Variants in SPMIP1 observed in about 807,000 individuals in gnomAD.
The protein encoded by SPMIP1 is sperm microtubule inner protein 1, also known as protein SPMIP1.
At chr7:128,870,518 G>A in the SPMIP1 span, 5 of 129,068 alleles carry the variant, frequency 3.9e-5, no homozygotes, top group Non-Finnish European at 6.2e-5. Flanking sequence ...GATCCTGAGG[G>A]TCCTCCTCTC....
At chr7:128,866,848 G>T in the SPMIP1 span, 2 of 1,521,962 alleles carry the variant, frequency 1.3e-6, no homozygotes, top group Non-Finnish European at 1.8e-6. Flanking sequence ...CAACCTCTTG[G>T]AAATCACCTC....
the SPMIP1 span, chr7:128,871,760 G>A: frequency 6.6e-6 from 1 of 152,216 alleles, no homozygotes; most frequent in Non-Finnish European, 1.5e-5. Flanking sequence ...CTTTCAAAGA[G>A]TTTTTTAAAC....
the SPMIP1 span, chr7:128,866,562 C>G: frequency 6.5e-7 from 1 of 1,535,882 alleles, no homozygotes; most frequent in Non-Finnish European, 8.7e-7. Flanking sequence ...GCCTGCCCCT[C>G]AAACTGCCCA....
the SPMIP1 span, chr7:128,871,556 G>A: frequency 9.2e-5 from 14 of 152,344 alleles, no homozygotes; most frequent in Admixed American, 7.8e-4. Context: ...AAGAGATGAT[G>A]TGTTGCCGCT....
chr7:128,869,940 C>T, the SPMIP1 span: 1 of 151,340 alleles, frequency 6.6e-6, no homozygotes, highest in Non-Finnish European at 1.5e-5. Context: ...CCGAGGAGCC[C>T]CTGCTGCCCG....
the SPMIP1 span, chr7:128,869,146 C>T: frequency 2.7e-6 from 1 of 365,752 alleles, no homozygotes; most frequent in Non-Finnish European, 4.9e-6. Context: ...CCACACCCCT[C>T]CTTGCCCGCC....
the SPMIP1 span, chr7:128,868,611 C>A: frequency 8.6e-7 from 1 of 1,159,862 alleles, no homozygotes; most frequent in Non-Finnish European, 1.2e-6. Context: ...GGCTCCCATG[C>A]TCTGCGTGTC....
chr7:128,868,349 G>A, the SPMIP1 span, among the ~76,000 whole-genome samples: 3 of 152,206 alleles, frequency 2.0e-5, no homozygotes, highest in African/African-American at 7.2e-5. Flanking sequence ...CCCTAGAAGC[G>A]GGGAGCAGGA....
the SPMIP1 span, chr7:128,871,869 AATTT>A: frequency 2.0e-5 from 3 of 152,238 alleles, no homozygotes; most frequent in Admixed American, 2.0e-4. Flanking sequence ...CTTACTAGAA[AATTT>A]ATTTCTCTGG....
chr7:128,866,500 C>T, the SPMIP1 span: 2,080 of 1,535,904 alleles, frequency 1.4e-3, 30 homozygotes, highest in African/African-American at 0.022. Context: ...TGAATGGTAC[C>T]GCAAGTATGG....
chr7:128,869,690 A>G, the SPMIP1 span: 1 of 152,220 alleles, frequency 6.6e-6, no homozygotes, highest in African/African-American at 2.4e-5. Flanking sequence ...CAGCTCCAGC[A>G]GCCGCTGCAG....
the SPMIP1 span, chr7:128,866,524 G>T: frequency 1.3e-6 from 2 of 1,535,978 alleles, no homozygotes; most frequent in Non-Finnish European, 1.7e-6. Context: ...GATGGTGAAG[G>T]CCAAGCAGAA....
At chr7:128,868,700 G>A in the SPMIP1 span, 1 of 1,535,908 alleles carries the variant, frequency 6.5e-7, no homozygotes, top group East Asian at 2.4e-5. Context: ...TCTCCTGCAA[G>A]ATGTGCCGCA....
the SPMIP1 span, chr7:128,871,411 C>T: frequency 1.4e-4 from 21 of 152,232 alleles, no homozygotes; most frequent in Non-Finnish European, 2.4e-4. Flanking sequence ...ACTTTTTACT[C>T]TTATTCAGAA....
chr7:128,868,947 C>A, the SPMIP1 span: 14 of 564,944 alleles, frequency 2.5e-5, 1 homozygote, highest in Middle Eastern at 4.6e-4. Flanking sequence ...TTCCGTAACC[C>A]TCATCACTTT....
At chr7:128,868,702 T>A in the SPMIP1 span, 7 of 1,535,770 alleles carry the variant, frequency 4.6e-6, no homozygotes, top group Non-Finnish European at 6.1e-6. Context: ...TCCTGCAAGA[T>A]GTGCCGCATT....
the SPMIP1 span, chr7:128,866,794 C>T: frequency 1.2e-5 from 18 of 1,535,598 alleles, no homozygotes; most frequent in Non-Finnish European, 1.6e-5. Context: ...ATACCTCTTC[C>T]CCATCACCAC....
At chr7:128,868,371 A>C in the SPMIP1 span, among the ~76,000 whole-genome samples, 9 of 152,170 alleles carry the variant, frequency 5.9e-5, no homozygotes, top group Non-Finnish European at 1.2e-4. Context: ...GCCGAAGGAA[A>C]TCTCATCTCT....
the SPMIP1 span, chr7:128,868,804 GGAA>G: frequency 1.4e-5 from 20 of 1,474,884 alleles, no homozygotes; most frequent in East Asian, 2.5e-5. Flanking sequence ...CTTAGGGGAG[GGAA>G]GAAGAAATAA....
Sources: gnomAD v4.1 joint callset for allele counts (sites outside exome capture counted in the v4.1 genomes callset) on GRCh38, gnomAD v4.1.1 for gene constraint, MANE v1.5 for transcripts, NCBI Gene and HGNC (gene_info 2026-07-23, HGNC 2026-07-21) for gene names.